Variants in GRM7 observed in about 807,000 individuals in gnomAD.
The protein encoded by GRM7 is glutamate metabotropic receptor 7.
Under a neutral mutation model 84.5 loss-of-function variants are expected in GRM7, and 35 were observed. That is an observed-to-expected ratio of 0.41 (90% CI 0.32 to 0.55). GRM7 has a LOEUF of 0.55. GRM7 is among the 20% of genes least tolerant of loss of function. The probability of loss-of-function intolerance (pLI) is 0.19; values close to 1 mark genes in which losing one functional copy is unlikely to be tolerated. For missense variants in GRM7, 1,003 were observed against 1,194.6 expected (o/e 0.84, Z 2.36); for synonymous variants, 487 against 455.1 (o/e 1.07, Z -0.89).
chr3:7,285,460 G>A (rs1049829196), intron 2 of GRM7, among the ~76,000 whole-genome samples: 6 of 152,062 alleles, frequency 3.9e-5, no homozygotes, highest in African/African-American at 4.8e-5. Flanking sequence ...ATCAAATAGG[G>A]CCTAATACGT....
intron 1 of GRM7, among the ~76,000 whole-genome samples, chr3:6,910,091 G>A (rs1253605336): frequency 1.3e-5 from 2 of 151,942 alleles, no homozygotes; most frequent in Non-Finnish European, 2.9e-5. Context: ...AAATCAAGAG[G>A]TACATGGGAT....
intron 9 of GRM7, among the ~76,000 whole-genome samples, chr3:7,727,950 A>C (rs989078152): frequency 6.6e-6 from 1 of 152,134 alleles, no homozygotes; most frequent in African/African-American, 2.4e-5. Flanking sequence ...GGCTAAGCCT[A>C]GTTGGATTCC....
intron 4 of GRM7, among the ~76,000 whole-genome samples, chr3:7,354,972 C>A (rs1010933288): frequency 1.3e-5 from 2 of 152,108 alleles, no homozygotes; most frequent in Non-Finnish European, 2.9e-5. Flanking sequence ...ATTGCTTTTC[C>A]CTTCCGCAAG....
At chr3:7,263,871 C>T (rs76325891) in intron 2 of GRM7, among the ~76,000 whole-genome samples, 12,973 of 152,112 alleles carry the variant, frequency 0.085, 688 homozygotes, top group Middle Eastern at 0.18. Flanking sequence ...TACAGGCATG[C>T]TGGTGGGGAA....
chr3:7,326,455 T>A (rs937105709), intron 4 of GRM7, among the ~76,000 whole-genome samples: 1 of 152,136 alleles, frequency 6.6e-6, no homozygotes, highest in African/African-American at 2.4e-5. Flanking sequence ...GTGGTATTTG[T>A]TGTTAATGGC....
chr3:7,216,093 C>T (rs1484296343), intron 2 of GRM7, among the ~76,000 whole-genome samples: 1 of 151,986 alleles, frequency 6.6e-6, no homozygotes, highest in Non-Finnish European at 1.5e-5. Context: ...ATTTATTTTC[C>T]AGCTCTGATT....
intron 2 of GRM7, among the ~76,000 whole-genome samples, chr3:7,153,427 G>C (rs1318145881): frequency 6.6e-6 from 1 of 152,012 alleles, no homozygotes; most frequent in Admixed American, 6.6e-5. Context: ...TCTCTCACTA[G>C]AGAGTAAAAT....
chr3:6,975,743 A>G (rs1693965538), intron 1 of GRM7, among the ~76,000 whole-genome samples: 1 of 152,142 alleles, frequency 6.6e-6, no homozygotes, highest in Non-Finnish European at 1.5e-5. Flanking sequence ...AGCCTGGCTG[A>G]TCTGATTAGG....
At chr3:7,037,579 A>G (rs1372104509) in intron 1 of GRM7, among the ~76,000 whole-genome samples, 1 of 152,212 alleles carries the variant, frequency 6.6e-6, no homozygotes, top group East Asian at 1.9e-4. Context: ...GCTTTTCTAC[A>G]GAGATATAAA....
chr3:7,398,538 G>A (rs999644010), intron 4 of GRM7, among the ~76,000 whole-genome samples: 7 of 151,956 alleles, frequency 4.6e-5, no homozygotes, highest in Non-Finnish European at 7.4e-5. Context: ...GAGAAATTTG[G>A]TAGCCTACGT....
At chr3:7,396,570 G>A (rs1313942827) in intron 4 of GRM7, among the ~76,000 whole-genome samples, 2 of 152,096 alleles carry the variant, frequency 1.3e-5, no homozygotes, top group Non-Finnish European at 2.9e-5. Context: ...CCTAAAGGAA[G>A]CTTTGGGATG....
At chr3:7,605,779 G>A (rs2125074625) in intron 8 of GRM7, among the ~76,000 whole-genome samples, 1 of 152,192 alleles carries the variant, frequency 6.6e-6, no homozygotes, top group Admixed American at 6.5e-5. Context: ...CACTGTATGG[G>A]GCATCAACAA....
chr3:7,500,944 G>A (rs1404225540), intron 7 of GRM7, among the ~76,000 whole-genome samples: 2 of 152,198 alleles, frequency 1.3e-5, no homozygotes, highest in Non-Finnish European at 2.9e-5. Context: ...TGAGCAACCT[G>A]CCTCAACCAA....
At chr3:7,104,570 C>A (rs1699233384) in intron 1 of GRM7, among the ~76,000 whole-genome samples, 1 of 151,726 alleles carries the variant, frequency 6.6e-6, no homozygotes, top group African/African-American at 2.4e-5. Flanking sequence ...TAAGATGGTA[C>A]AATTTATCTC....
intron 7 of GRM7, among the ~76,000 whole-genome samples, chr3:7,506,929 A>G (rs1390363598): frequency 6.6e-6 from 1 of 152,138 alleles, no homozygotes; most frequent in African/African-American, 2.4e-5. Flanking sequence ...ACTGTACCAT[A>G]TTTAAAGAAA....
intron 5 of GRM7, among the ~76,000 whole-genome samples, chr3:7,418,400 C>T (rs1696260751): frequency 6.6e-6 from 1 of 152,176 alleles, no homozygotes; most frequent in South Asian, 2.1e-4. Context: ...GAAAACACAA[C>T]TTCCATTTGA....
At chr3:7,358,118 G>A (rs913512813) in intron 4 of GRM7, among the ~76,000 whole-genome samples, 2 of 152,126 alleles carry the variant, frequency 1.3e-5, no homozygotes, top group African/African-American at 4.8e-5. Flanking sequence ...TTCCTGAGGG[G>A]TTGGTAGTTG....
chr3:7,669,160 C>T (rs756230226), intron 8 of GRM7, among the ~76,000 whole-genome samples: 5 of 151,978 alleles, frequency 3.3e-5, no homozygotes, highest in South Asian at 4.2e-4. Flanking sequence ...CAAGGGGACA[C>T]GTATAAAAGA....
At chr3:7,615,170 A>G (rs140089173) in intron 8 of GRM7, among the ~76,000 whole-genome samples, 398 of 152,256 alleles carry the variant, frequency 2.6e-3, no homozygotes, top group African/African-American at 9.1e-3. Flanking sequence ...GTACATATGC[A>G]TGATATGTGT....
Sources: gnomAD v4.1 joint callset for allele counts (sites outside exome capture counted in the v4.1 genomes callset) on GRCh38, gnomAD v4.1.1 for gene constraint, MANE v1.5 for transcripts, NCBI Gene and HGNC (gene_info 2026-07-23, HGNC 2026-07-21) for gene names.